Variants in FOXP2 observed in about 807,000 individuals in gnomAD.
The protein encoded by FOXP2 is forkhead box P2.
A neutral mutation model predicts 115.8 loss-of-function variants in FOXP2; 12 were observed. The observed-to-expected ratio is 0.10, with a 90% CI of 0.07 to 0.17. The LOEUF is 0.17. Ranked by LOEUF, FOXP2 falls within the 10% of genes least tolerant of loss-of-function variation. The pLI is 1.00. For synonymous variants in FOXP2, 328 were observed against 297.7 expected, an observed-to-expected ratio of 1.10 and a Z score of -1.05; for missense variants, 629 against 843.5, an observed-to-expected ratio of 0.75 and a Z score of 3.15.
At chr7:114,229,969 G>C (rs919201688) in intron 1 of FOXP2, among the ~76,000 whole-genome samples, 1 of 151,592 alleles carries the variant, frequency 6.6e-6, no homozygotes, top group African/African-American at 2.4e-5. Context: ...TTTTTAAAAA[G>C]ATTAACCAAA....
intron 6 of FOXP2, among the ~76,000 whole-genome samples, chr7:114,633,550 C>A (rs1805037211): frequency 6.6e-6 from 1 of 151,912 alleles, no homozygotes; most frequent in Non-Finnish European, 1.5e-5. Context: ...TAAAAAAATC[C>A]ATCTGAATAA....
intron 6 of FOXP2, among the ~76,000 whole-genome samples, chr7:114,638,323 T>G (rs1458620412): frequency 6.6e-6 from 1 of 152,126 alleles, no homozygotes; most frequent in Non-Finnish European, 1.5e-5. Flanking sequence ...TCAGAACTAT[T>G]TTACATGAAT....
At chr7:114,102,859 T>G (rs1791023882) in intron 1 of FOXP2, among the ~76,000 whole-genome samples, 1 of 152,102 alleles carries the variant, frequency 6.6e-6, no homozygotes. Flanking sequence ...AAAAATTCTC[T>G]CACAAGCTCT....
intron 3 of FOXP2, among the ~76,000 whole-genome samples, chr7:114,580,561 A>ACAGAGTGCGACT (rs1801798866): frequency 6.6e-6 from 1 of 152,152 alleles, no homozygotes; most frequent in South Asian, 2.1e-4. Context: ...AGCCTGGGCA[A>ACAGAGTGCGACT]CAGAGTGCGA....
chr7:114,338,902 A>G (rs1008799664), intron 2 of FOXP2, among the ~76,000 whole-genome samples: 12 of 151,194 alleles, frequency 7.9e-5, no homozygotes, highest in African/African-American at 2.4e-4. Flanking sequence ...TGATGTTTCT[A>G]TAATATAGCT....
At chr7:114,327,753 G>A (rs1026899476) in intron 2 of FOXP2, among the ~76,000 whole-genome samples, 1 of 151,760 alleles carries the variant, frequency 6.6e-6, no homozygotes, top group East Asian at 1.9e-4. Flanking sequence ...GCCACCCTCA[G>A]CCTCCCAAAG....
At chr7:114,334,796 T>G (rs1797801325) in intron 2 of FOXP2, among the ~76,000 whole-genome samples, 1 of 151,018 alleles carries the variant, frequency 6.6e-6, no homozygotes, top group Admixed American at 6.6e-5. Flanking sequence ...AGTGATACCT[T>G]TAATTTTTAA....
chr7:114,627,702 C>G (rs540189122), intron 3 of FOXP2, among the ~76,000 whole-genome samples: 2 of 151,956 alleles, frequency 1.3e-5, no homozygotes, highest in African/African-American at 2.4e-5. Flanking sequence ...TCCTCAGAAC[C>G]CTGAAGAAAA....
chr7:114,689,659 C>T (rs1808553325), intron 16 of FOXP2, 123 bp from the exon 17 acceptor site: 1 of 951,910 alleles, frequency 1.1e-6, no homozygotes, highest in South Asian at 1.4e-5. Context: ...ATCAGATGCC[C>T]TTTTAAGAAA....
intron 2 of FOXP2, among the ~76,000 whole-genome samples, chr7:114,311,888 T>G (rs1266517198): frequency 3.3e-5 from 5 of 152,148 alleles, no homozygotes; most frequent in Non-Finnish European, 7.4e-5. Context: ...CCCTGGAACC[T>G]CTTTTGTTTT....
chr7:114,238,590 T>C (rs778391407), intron 1 of FOXP2, among the ~76,000 whole-genome samples: 1 of 152,028 alleles, frequency 6.6e-6, no homozygotes, highest in Non-Finnish European at 1.5e-5. Context: ...CTCGTCAACA[T>C]GGCGAAACCC....
At chr7:114,678,978 T>A (rs1031089820) in intron 16 of FOXP2, among the ~76,000 whole-genome samples, 2 of 152,150 alleles carry the variant, frequency 1.3e-5, no homozygotes, top group African/African-American at 4.8e-5. Context: ...TGGTAGAGCA[T>A]AAAAATAAAT....
At chr7:114,363,558 G>A (rs1791802724) in intron 2 of FOXP2, among the ~76,000 whole-genome samples, 1 of 152,080 alleles carries the variant, frequency 6.6e-6, no homozygotes, top group African/African-American at 2.4e-5. Context: ...GATTAGAAAT[G>A]ACAGACAAAT....
intron 2 of FOXP2, among the ~76,000 whole-genome samples, chr7:114,289,651 A>T (rs1796545769): frequency 6.6e-6 from 1 of 151,950 alleles, no homozygotes; most frequent in African/African-American, 2.4e-5. Flanking sequence ...ACTATTTTTT[A>T]AAAGTAGAGA....
At chr7:114,485,468 A>G (rs1454840206) in intron 2 of FOXP2, among the ~76,000 whole-genome samples, 1 of 151,946 alleles carries the variant, frequency 6.6e-6, no homozygotes, top group East Asian at 1.9e-4. Flanking sequence ...GTGAACAGAT[A>G]CTTATTTCTG....
At chr7:114,135,210 T>C (rs1792007533) in intron 1 of FOXP2, among the ~76,000 whole-genome samples, 1 of 152,204 alleles carries the variant, frequency 6.6e-6, no homozygotes, top group African/African-American at 2.4e-5. Flanking sequence ...TTATTTATAA[T>C]CTTACTGCTA....
intron 2 of FOXP2, among the ~76,000 whole-genome samples, chr7:114,336,940 A>G (rs948113368): frequency 4.0e-5 from 6 of 151,566 alleles, no homozygotes; most frequent in Admixed American, 2.6e-4. Flanking sequence ...ATCCAGTTTA[A>G]TAATTCAATT....
At chr7:114,294,749 G>A (rs967174769) in intron 2 of FOXP2, among the ~76,000 whole-genome samples, 1 of 152,032 alleles carries the variant, frequency 6.6e-6, no homozygotes, top group African/African-American at 2.4e-5. Context: ...GCTGAGGCAG[G>A]AGAATCACTT....
chr7:114,537,742 T>A (rs1320230908), intron 3 of FOXP2, among the ~76,000 whole-genome samples: 1 of 151,726 alleles, frequency 6.6e-6, no homozygotes, highest in Non-Finnish European at 1.5e-5. Flanking sequence ...GATTTCACTT[T>A]CATGTATAGA....
Sources: allele counts gnomAD v4.1 joint callset (sites outside exome capture counted in the v4.1 genomes callset), GRCh38; gene constraint gnomAD v4.1.1; transcripts MANE v1.5; gene names NCBI Gene and HGNC (gene_info 2026-07-23, HGNC 2026-07-21).